The following CD47 variants were observed in gnomAD, a reference collection of about 807,000 sequenced individuals.
CD47 encodes the protein CD47 molecule, also known as leukocyte surface antigen CD47.
A neutral mutation model predicts 44.6 loss-of-function variants in CD47; 11 were observed. That is an observed-to-expected ratio of 0.25 (90% confidence interval 0.16 to 0.41). The LOEUF is 0.41. CD47 is among the 10% of genes least tolerant of loss of function. The pLI is 1.00. For missense variants in CD47, 306 were observed against 386.7 expected (o/e 0.79, Z 1.75); for synonymous variants, 140 against 136.3 (o/e 1.03, Z -0.19).
chr3:108,090,616 TGGA>T (rs2079614788), intron 1 of CD47, among the ~76,000 whole-genome samples: 2 of 151,852 alleles, frequency 1.3e-5, no homozygotes, highest in South Asian at 2.1e-4. Flanking sequence ...GAGAACCGGG[TGGA>T]GGAGATGAGC....
chr3:108,069,066 A>T (rs929093338), intron 3 of CD47, among the ~76,000 whole-genome samples: 1 of 152,252 alleles, frequency 6.6e-6, no homozygotes, highest in Non-Finnish European at 1.5e-5. Flanking sequence ...CAGAGATTTT[A>T]GCGTTATAAT....
chr3:108,085,216 A>G (rs915188734), intron 1 of CD47, among the ~76,000 whole-genome samples: 8 of 152,058 alleles, frequency 5.3e-5, no homozygotes, highest in Non-Finnish European at 1.2e-4. Context: ...TCAAACCTAA[A>G]TAGCCTCTTA....
intron 7 of CD47, chr3:108,055,578 C>G (rs775579929): frequency 3.1e-6 from 4 of 1,299,436 alleles, no homozygotes; most frequent in South Asian, 1.2e-5. Context: ...TGGCATCAGA[C>G]AAGTTGATTT....
chr3:108,065,376 A>C (rs1366522965), intron 3 of CD47, among the ~76,000 whole-genome samples: 1 of 152,218 alleles, frequency 6.6e-6, no homozygotes, highest in Non-Finnish European at 1.5e-5. Context: ...TTTCTACAAA[A>C]GAGTAAAATG....
chr3:108,074,721 G>A (rs982748662), intron 2 of CD47, among the ~76,000 whole-genome samples: 1 of 132,240 alleles, frequency 7.6e-6, no homozygotes, highest in Non-Finnish European at 1.6e-5. Flanking sequence ...TGGGGGGGGG[G>A]GGCACACAAT....
At position 108,080,075 on chromosome 3, in the gene CD47, C is replaced by T; in HGVS notation, c.316G>A (p.Val106Ile). 6.2e-7 allele frequency: 1 copy of T among 1,613,072 alleles called. No individual in the cohort carries two copies. The highest frequency in any genetic ancestry group is 8.5e-7 in the Non-Finnish European group (1 of 1,179,222). The change falls in exon 2 of 11, where the codon GTC (valine) becomes ATC (isoleucine). Residue 106 changes from valine to isoleucine, a missense_variant. Transcript: ENST00000361309. The part of the protein sequence containing the change: ...ASLKMDKSDA[V>I]SHTGNYTCEV... The stretch of plus-strand genomic sequence containing the variant: ...CAAGTGTAGTTTCCTGTGTGTGAGA[C>T]AGCATCACTCTTATCCATCTTCAAA...
chr3:108,084,344 C>T (rs1260197594), intron 1 of CD47, among the ~76,000 whole-genome samples: 2 of 152,014 alleles, frequency 1.3e-5, no homozygotes, highest in Non-Finnish European at 2.9e-5. Context: ...GCTCTTCTCT[C>T]TTGGCCTCCA....
At chr3:108,090,248 C>G (rs1390150991) in intron 1 of CD47, among the ~76,000 whole-genome samples, 1 of 152,130 alleles carries the variant, frequency 6.6e-6, no homozygotes, top group Non-Finnish European at 1.5e-5. Flanking sequence ...GGATTAAAAA[C>G]GACAGCAAAA....
intron 4 of CD47, 78 bp downstream of exon 4, chr3:108,060,667 G>A (rs1211663781): frequency 1.1e-6 from 1 of 922,914 alleles, no homozygotes; most frequent in African/African-American, 1.6e-5. Flanking sequence ...ACAGCCCTAG[G>A]AAACTAATGC....
rs58021560 is a variant in CD47, at chr3:108,065,811, C to CAAAAAAA, written c.491-4966_491-4960dup. ...TGGGCAACAGAGCGAGACTCCGTCT[C>CAAAAAAA]AAAAAAAAAAAAAAAAAAAAAAAAA... On this transcript the variant is annotated intron_variant, in intron 3 of 10. Coordinates refer to ENST00000361309, the MANE Select transcript of CD47 (RefSeq NM_001777.4). Among the ~76,000 whole-genome samples the CAAAAAAA allele has an allele frequency of 7.5e-4, 46 of 61,168 alleles. 2 individuals carry two copies. Among genetic ancestry groups the CAAAAAAA allele is most frequent in the African/African-American group, 1.5e-3 (22 of 15,152 alleles). The allele number at this position is 61,168 out of a possible 152,430, so 40.1% of individuals were successfully genotyped here.
Position 108,077,678 on chromosome 3 carries a change from T to C in CD47, c.400+2313A>G, listed in dbSNP as rs1009039822. On this transcript the variant is annotated intron_variant, in intron 2 of 10. Transcript: ENST00000361309. ...ACTATAGGTAAGTGGTTAAACAAAC[T>C]GTGATATATTCATACTATGGACTAC... is the stretch of plus-strand genomic sequence containing the variant. Among the ~76,000 whole-genome samples, 5 of 152,010 alleles carry C rather than the reference T, an allele frequency of 3.3e-5. No individual in the cohort carries two copies. The East Asian group carries it at 9.6e-4, about 29-fold the overall frequency.
In CD47 at chr3:108,043,137, G is replaced by A. The variant is rs2078656393; in HGVS notation, c.*4151C>T. 1 of 152,456 alleles carries A rather than the reference G, an allele frequency of 6.6e-6. No individual in the cohort carries two copies. The highest frequency in any genetic ancestry group is 2.1e-4 in the South Asian group (1 of 4,834). 9.4% of individuals were successfully genotyped at this position (152,456 alleles called of 1,614,324 possible). A position where few individuals can be genotyped will look rare whatever the true frequency, so the allele number is the denominator to read the frequency against. On this transcript the variant is annotated 3_prime_UTR_variant, in exon 11 of 11. Transcript: ENST00000361309. ...AATTAAAACTCTGCTCTAATTAAAA[G>A]CTTATTGGGTATTATACTCAAAAAA...
intron 1 of CD47, among the ~76,000 whole-genome samples, chr3:108,080,750 T>C (rs972379508): frequency 6.6e-6 from 1 of 151,826 alleles, no homozygotes; most frequent in African/African-American, 2.4e-5. Flanking sequence ...AACCAAATAT[T>C]TTATTCAGTC....
At chr3:108,062,413 A>G (rs145274207) in intron 3 of CD47, among the ~76,000 whole-genome samples, 1 of 152,286 alleles carries the variant, frequency 6.6e-6, no homozygotes, top group East Asian at 1.9e-4. Flanking sequence ...AATCCCATAT[A>G]TATTGTTATC....
chr3:108,086,832 T>C (rs1415946567), intron 1 of CD47, among the ~76,000 whole-genome samples: 1 of 152,146 alleles, frequency 6.6e-6, no homozygotes, highest in Admixed American at 6.5e-5. Flanking sequence ...GATGCAAGAC[T>C]GAAGAATTAT....
At chr3:108,050,227 C>T (rs1183222606) in intron 9 of CD47, among the ~76,000 whole-genome samples, 2 of 152,138 alleles carry the variant, frequency 1.3e-5, no homozygotes, top group African/African-American at 4.8e-5. Flanking sequence ...AAGCAATTCT[C>T]CTGCCTCAGC....
chr3:108,090,824 C>A (rs1031378226), intron 1 of CD47, 39 bp downstream of exon 1: 11 of 1,459,698 alleles, frequency 7.5e-6, no homozygotes, highest in Admixed American at 4.7e-5. Flanking sequence ...GGGGGCGAAG[C>A]GACAGCAGCC....
intron 2 of CD47, among the ~76,000 whole-genome samples, chr3:108,076,319 G>A (rs145964961): frequency 1.6e-4 from 25 of 152,252 alleles, no homozygotes; most frequent in African/African-American, 2.4e-4. Context: ...GCAACACTGC[G>A]GAACTTGAAC....
intron 2 of CD47, among the ~76,000 whole-genome samples, chr3:108,072,258 C>T (rs1044406883): frequency 6.6e-6 from 1 of 152,176 alleles, no homozygotes; most frequent in African/African-American, 2.4e-5. Context: ...CAAGCACTAG[C>T]ATTCCTCTGA....
Sources: gnomAD v4.1 joint callset for allele counts (sites outside exome capture counted in the v4.1 genomes callset) on GRCh38, gnomAD v4.1.1 for gene constraint, MANE v1.5 for transcripts, NCBI Gene and HGNC (gene_info 2026-07-23, HGNC 2026-07-21) for gene names.